TMTC1: variants seen among roughly 807,000 people sequenced by gnomAD.
The protein encoded by TMTC1 is transmembrane O-mannosyltransferase targeting cadherins 1.
Under a neutral mutation model 104.8 loss-of-function variants are expected in TMTC1, and 73 were observed. That is an observed-to-expected ratio of 0.70 (90% confidence interval 0.58 to 0.85). TMTC1 has a LOEUF of 0.85. TMTC1 is among the 40% of genes least tolerant of loss of function. The pLI is 0.00. For synonymous variants in TMTC1, 434 were observed against 428.7 expected (o/e 1.01, Z -0.15); for missense variants, 1,035 against 1,096.1 (o/e 0.94, Z 0.79).
chr12:29,635,305 A>G (rs1213979229), intron 5 of TMTC1, among the ~76,000 whole-genome samples: 1 of 152,050 alleles, frequency 6.6e-6, no homozygotes, highest in African/African-American at 2.4e-5. Flanking sequence ...TTTTTCACAG[A>G]CCTTTCAGGC....
chr12:29,538,174 G>A (rs561381471), intron 10 of TMTC1, among the ~76,000 whole-genome samples: 48 of 152,176 alleles, frequency 3.2e-4, no homozygotes, highest in Middle Eastern at 6.8e-3. Context: ...ATTACAGCTC[G>A]CTTAGTGCTT....
chr12:29,701,713 A>G (rs1364194526), intron 5 of TMTC1, among the ~76,000 whole-genome samples: 1 of 152,242 alleles, frequency 6.6e-6, no homozygotes. Flanking sequence ...TCAGGTAGCT[A>G]CAGGCTACAG....
chr12:29,734,830 A>G (rs1016574743), intron 5 of TMTC1, among the ~76,000 whole-genome samples: 1 of 152,144 alleles, frequency 6.6e-6, no homozygotes, highest in African/African-American at 2.4e-5. Context: ...CGGCTTCAAG[A>G]CCATCTATTG....
At chr12:29,764,132 G>A (rs561928362) in intron 2 of TMTC1, among the ~76,000 whole-genome samples, 4 of 152,304 alleles carry the variant, frequency 2.6e-5, no homozygotes, top group South Asian at 4.1e-4. Flanking sequence ...CCTGGGAACT[G>A]CAGCCTCTAA....
At chr12:29,514,456 G>T in intron 16 of TMTC1, 26 bp downstream of exon 16, 1 of 1,590,688 alleles carries the variant, frequency 6.3e-7, no homozygotes, top group South Asian at 1.1e-5. Context: ...TGAATTTGAT[G>T]ATATAATTTT....
At chr12:29,530,865 T>A (rs999626967) in intron 11 of TMTC1, among the ~76,000 whole-genome samples, 2 of 152,232 alleles carry the variant, frequency 1.3e-5, no homozygotes, top group Non-Finnish European at 2.9e-5. Context: ...GAGGGTCTAT[T>A]CCTTCTGACT....
At position 29,783,700 on chromosome 12, in the gene TMTC1, G is replaced by A. The variant is rs913503788; in HGVS notation, c.52C>T (p.Arg18Trp). The change falls in exon 1 of 18, where the codon CGG (arginine) becomes TGG (tryptophan). Residue 18 changes from arginine to tryptophan, a missense_variant. Transcript: ENST00000539277. This position sits in a 1 kb window ranked among gnomAD's most constrained non-coding sequence, Gnocchi z 4.7. ...GGCGCTAGCCCGCAGCCCCGCCGCC[G>A]GGAGGGTGTGCGGTCCCCGCCGCCG... ...RGGGGDRTPS[R>W]RRGCGLAPAG... is the part of the protein sequence containing the mutation. 4.0e-6 allele frequency: 5 copies of A among 1,258,284 alleles called. No homozygotes were observed. The highest frequency in any genetic ancestry group is 8.6e-5 in the Admixed American group (2 of 23,218). The allele number at this position is 1,258,284 out of a possible 1,614,324, so 77.9% of individuals were successfully genotyped here. A position where few individuals can be genotyped will look rare whatever the true frequency, so the allele number is the denominator to read the frequency against.
Position 29,633,130 on chromosome 12 carries a change from A to C in TMTC1, c.1128+17T>G, listed in dbSNP as rs779960736. Reference sequence around the variant, plus strand: ...TGTCTTCAAATGCAGAGTTCATTCTACTTTTGAGAAAATTACCTTAAAGGC... The same window carrying C: ...TGTCTTCAAATGCAGAGTTCATTCTCCTTTTGAGAAAATTACCTTAAAGGC... On this transcript the variant is annotated intron_variant, in intron 6 of 17. Coordinates refer to ENST00000539277, the MANE Select transcript of TMTC1 (RefSeq NM_001193451.2). The C allele has an allele frequency of 1.9e-6, 3 of 1,600,150 alleles. No homozygotes were observed. Among genetic ancestry groups the C allele is most frequent in the Non-Finnish European group, 2.6e-6 (3 of 1,169,358 alleles).
At chr12:29,666,826 T>C (rs1940306122) in intron 5 of TMTC1, among the ~76,000 whole-genome samples, 1 of 152,184 alleles carries the variant, frequency 6.6e-6, no homozygotes, top group Non-Finnish European at 1.5e-5. Flanking sequence ...TTTAACATTA[T>C]AGCAACAAAT....
intron 10 of TMTC1, among the ~76,000 whole-genome samples, chr12:29,545,960 C>G: frequency 6.6e-6 from 1 of 152,254 alleles, no homozygotes; most frequent in Non-Finnish European, 1.5e-5. Flanking sequence ...ACTTTATACA[C>G]GAGCAGTTGG....
At chr12:29,548,441 G>C (rs753194568) in intron 10 of TMTC1, among the ~76,000 whole-genome samples, 1 of 152,200 alleles carries the variant, frequency 6.6e-6, no homozygotes, top group African/African-American at 2.4e-5. Flanking sequence ...AGAGGGACCC[G>C]GTGGGAAGTA....
At chr12:29,536,091 T>G in intron 11 of TMTC1, 118 bp downstream of exon 11, 1 of 710,586 alleles carries the variant, frequency 1.4e-6, no homozygotes, top group Non-Finnish European at 2.4e-6. Context: ...GAAACTGACA[T>G]AGAGATTGGT....
intron 11 of TMTC1, among the ~76,000 whole-genome samples, chr12:29,531,521 T>A (rs1381720731): frequency 1.3e-5 from 2 of 152,194 alleles, no homozygotes; most frequent in Non-Finnish European, 2.9e-5. Flanking sequence ...ATAAACAATG[T>A]TAATTTTATT....
At chr12:29,704,786 T>C (rs1941694137) in intron 5 of TMTC1, among the ~76,000 whole-genome samples, 1 of 152,314 alleles carries the variant, frequency 6.6e-6, no homozygotes, top group African/African-American at 2.4e-5. Context: ...GACTTGACAC[T>C]AGGCTAGATG....
intron 5 of TMTC1, among the ~76,000 whole-genome samples, chr12:29,694,300 C>T (rs1259070671): frequency 6.6e-6 from 1 of 152,108 alleles, no homozygotes; most frequent in Admixed American, 6.6e-5. Flanking sequence ...CTTACATGTA[C>T]AGTCATACCT....
rs1008304490 is a variant in TMTC1, at chr12:29,506,331, TCTACAAAAG to T, written c.*506_*514del. On this transcript the variant is annotated 3_prime_UTR_variant, in exon 18 of 18. Transcript: ENST00000539277. ...TTTTTCCCCACATATTCTGGAAGGT[TCTACAAAAG>T]CTATTAGATACTCATTCCTGGTTCT... 1 of 153,184 alleles carries T rather than the reference TCTACAAAAG, an allele frequency of 6.5e-6. No homozygotes were observed. Among genetic ancestry groups the T allele is most frequent in the African/African-American group, 2.4e-5 (1 of 41,450 alleles). 9.5% of individuals were successfully genotyped at this position (153,184 alleles called of 1,614,324 possible).
At chr12:29,591,081 T>C (rs1405190233) in intron 7 of TMTC1, among the ~76,000 whole-genome samples, 1 of 152,244 alleles carries the variant, frequency 6.6e-6, no homozygotes, top group Non-Finnish European at 1.5e-5. Context: ...ATTATTGACA[T>C]ATGGTTTAAA....
chr12:29,657,303 A>G (rs1014072878), intron 5 of TMTC1, among the ~76,000 whole-genome samples: 1 of 152,228 alleles, frequency 6.6e-6, no homozygotes, highest in East Asian at 1.9e-4. Context: ...ACAAGAAAAT[A>G]TATTAGTGAG....
At position 29,622,956 on chromosome 12, in the gene TMTC1, T is replaced by C. The variant is rs193161770; in HGVS notation, c.1128+10191A>G. 1.5e-4 allele frequency among the ~76,000 whole-genome samples: 23 copies of C among 152,310 alleles called. No homozygotes were observed. In the East Asian group the frequency reaches 4.3e-3, roughly 28 times the overall value. The stretch of plus-strand genomic sequence containing the variant: ...AAACTAGAAACAATCTCTAAATTCA[T>C]TGTGTGGTTATTTCTAGAGAAAGGA... On this transcript the variant is annotated intron_variant, in intron 6 of 17. Transcript: ENST00000539277.
Sources: gnomAD v4.1 joint callset for allele counts (sites outside exome capture counted in the v4.1 genomes callset) on GRCh38, gnomAD v4.1.1 for gene constraint, Gnocchi (gnomAD v3.1) non-coding constraint, MANE v1.5 for transcripts, NCBI Gene and HGNC (gene_info 2026-07-23, HGNC 2026-07-21) for gene names.